ABHD17C: variants seen among roughly 807,000 people sequenced by gnomAD.
ABHD17C encodes abhydrolase domain containing 17C, depalmitoylase.
ABHD17C carries 11 observed loss-of-function variants against 27.9 expected under a neutral mutation model. The ratio of observed to expected loss-of-function variants is 0.39; its 90% confidence interval spans 0.25 to 0.65. The LOEUF (loss-of-function observed/expected upper bound fraction) is 0.65, where lower values mean the gene tolerates loss of function less well. Among genes scored for constraint, ABHD17C ranks in the 30% least tolerant of loss-of-function variants. The pLI is 0.45. For missense variants in ABHD17C, 280 were observed against 470.2 expected (o/e 0.60, Z 3.74); for synonymous variants, 233 against 209.1 (o/e 1.11, Z -0.98).
intron 1 of ABHD17C, among the ~76,000 whole-genome samples, chr15:80,713,764 G>A (rs112399634): frequency 5.3e-5 from 8 of 151,946 alleles, no homozygotes; most frequent in African/African-American, 1.7e-4. Context: ...AGCAGAGATC[G>A]TGCCATTGCA....
intron 1 of ABHD17C, among the ~76,000 whole-genome samples, chr15:80,748,334 G>A (rs1378349749): frequency 6.6e-6 from 1 of 152,204 alleles, no homozygotes; most frequent in East Asian, 1.9e-4. Context: ...TGGCTCACGG[G>A]CTTCAACTTT....
rs368213425 is a variant in ABHD17C at position 80,699,194 on chromosome 15, A to G, written c.590+3175A>G. On this transcript the variant is annotated intron_variant, in intron 1 of 2. Coordinates refer to ENST00000258884, the MANE Select transcript of ABHD17C (RefSeq NM_021214.2). ...TGTTATTTAACTGTATCTCCACTAA[A>G]TTGGAAGATCTCTGAGGGCAGGGAC... Among the ~76,000 whole-genome samples, 15 of 152,286 alleles carry G rather than the reference A, an allele frequency of 9.8e-5. No individual in the cohort carries two copies. The South Asian group carries it at 3.1e-3, about 32-fold the overall frequency.
chr15:80,742,315 G>A (rs1334998944), intron 1 of ABHD17C, among the ~76,000 whole-genome samples: 1 of 152,152 alleles, frequency 6.6e-6, no homozygotes, highest in African/African-American at 2.4e-5. Flanking sequence ...CCACTTGGAG[G>A]CCAAAGGCCT....
intron 1 of ABHD17C, among the ~76,000 whole-genome samples, chr15:80,730,700 T>C (rs1391645606): frequency 6.6e-6 from 1 of 152,202 alleles, no homozygotes; most frequent in Non-Finnish European, 1.5e-5. Context: ...GTGAAGTGCT[T>C]ACTTCAGAGT....
chr15:80,747,987 G>T (rs1477404857), intron 1 of ABHD17C, among the ~76,000 whole-genome samples: 1 of 152,058 alleles, frequency 6.6e-6, no homozygotes, highest in Non-Finnish European at 1.5e-5. Context: ...CACATCCCCT[G>T]CCGGCCGGCC....
At chr15:80,703,819 G>A (rs1894607021) in intron 1 of ABHD17C, among the ~76,000 whole-genome samples, 4 of 152,142 alleles carry the variant, frequency 2.6e-5, no homozygotes, top group Admixed American at 2.6e-4. Context: ...TTACCTGGTG[G>A]GGGATACATT....
intron 1 of ABHD17C, 36 bp downstream of exon 1, chr15:80,696,055 C>A: frequency 6.6e-7 from 1 of 1,513,910 alleles, no homozygotes. Context: ...TGACTTCCAG[C>A]TGTGGGGAGG....
At chr15:80,748,869 C>G (rs1048888758) in intron 1 of ABHD17C, among the ~76,000 whole-genome samples, 1 of 151,636 alleles carries the variant, frequency 6.6e-6, no homozygotes, top group African/African-American at 2.4e-5. Flanking sequence ...TCTGCACGCA[C>G]CAGGCTGCAA....
At chr15:80,705,573 A>G (rs1214355458) in intron 1 of ABHD17C, among the ~76,000 whole-genome samples, 2 of 152,146 alleles carry the variant, frequency 1.3e-5, no homozygotes, top group African/African-American at 4.8e-5. Context: ...ATTATTGATA[A>G]CATTTTTAGA....
chr15:80,695,971 A>C lies in ABHD17C; in HGVS notation c.542A>C (p.Lys181Thr). ...GTCAGCTCGGGCAAGCCCTCCGAGA[A>C]GAACCTCTACGCCGACATCGACGCC... ...YGVSSGKPSE[K>T]NLYADIDAAW... Residue 181 changes from lysine (K) to threonine (T), a missense_variant, in exon 1 of 3, where the codon AAG becomes ACG. Lys to Thr is a moderately conservative substitution (Grantham distance 78). Transcript: ENST00000258884. The surrounding 1 kb of genome is among the most constrained non-coding windows in gnomAD (Gnocchi z 4.3). 6.3e-7 allele frequency: 1 copy of C among 1,592,106 alleles called. No homozygotes were observed. The highest frequency in any genetic ancestry group is 1.1e-5 in the South Asian group (1 of 90,064).
intron 1 of ABHD17C, among the ~76,000 whole-genome samples, chr15:80,727,170 C>T (rs778534254): frequency 6.6e-6 from 1 of 152,192 alleles, no homozygotes; most frequent in Non-Finnish European, 1.5e-5. Context: ...ATGTCTTTTC[C>T]GTGCCCTTGA....
intron 1 of ABHD17C, among the ~76,000 whole-genome samples, chr15:80,706,494 T>C (rs1894651084): frequency 6.6e-6 from 1 of 152,238 alleles, no homozygotes; most frequent in Non-Finnish European, 1.5e-5. Context: ...ATTAGTTTGC[T>C]CCTTCACTTT....
chr15:80,750,891 TC>T (rs1236658150), intron 2 of ABHD17C, among the ~76,000 whole-genome samples: 2 of 152,154 alleles, frequency 1.3e-5, no homozygotes, highest in East Asian at 3.9e-4. Context: ...TTTTTTTTTT[TC>T]CTGGCTCTTA....
In ABHD17C at chr15:80,696,601, G is replaced by C. The variant is rs555133813; in HGVS notation, c.590+582G>C. Among the ~76,000 whole-genome samples the C allele has an allele frequency of 1.8e-3, 281 of 152,240 alleles. 2 individuals are homozygous for C. Among genetic ancestry groups the C allele is most frequent in the African/African-American group, 6.3e-3 (262 of 41,528 alleles). ...GTGGGGCAAAGTAGTGGCACTGTGG[G>C]GCAGGAAGTTAGCTGGTAGCTGTGG... is the stretch of plus-strand genomic sequence containing the variant. On this transcript the variant is annotated intron_variant, in intron 1 of 2. Transcript: ENST00000258884.
intron 1 of ABHD17C, among the ~76,000 whole-genome samples, chr15:80,724,673 T>C (rs1432138973): frequency 1.3e-5 from 2 of 152,170 alleles, no homozygotes; most frequent in African/African-American, 4.8e-5. Context: ...CTGTACTGGG[T>C]AGAGTTGCCC....
At chr15:80,700,273 G>A (rs564844713) in intron 1 of ABHD17C, among the ~76,000 whole-genome samples, 8 of 152,306 alleles carry the variant, frequency 5.3e-5, no homozygotes, top group South Asian at 2.1e-4. Flanking sequence ...CAAATAGCCC[G>A]AAGAATGAGG....
In ABHD17C at chr15:80,695,445, C is replaced by T; in HGVS notation, c.16C>T (p.Pro6Ser). 2 of 1,362,718 alleles carry T rather than the reference C, an allele frequency of 1.5e-6. No homozygotes were observed. Among genetic ancestry groups the T allele is most frequent in the Non-Finnish European group, 9.6e-7 (1 of 1,044,308 alleles). 84.4% of individuals were successfully genotyped at this position (1,362,718 alleles called of 1,614,324 possible). Residue 6 changes from proline (P) to serine (S), a missense_variant, in exon 1 of 3, where the codon CCC becomes TCC. By Grantham distance (74) the Pro-to-Ser change is moderately conservative. Coordinates refer to ENST00000258884, the MANE Select transcript of ABHD17C (RefSeq NM_021214.2). The surrounding 1 kb of genome is among the most constrained non-coding windows in gnomAD (Gnocchi z 4.3). ...GGCCGTCCCGATGCCCGAGCCAGGC[C>T]CCAGGATGAACGGCTTCTCGCTGGG... MPEPG[P>S]RMNGFSLGEL...
At chr15:80,696,525 C>T (rs759266671) in intron 1 of ABHD17C, among the ~76,000 whole-genome samples, 1 of 152,186 alleles carries the variant, frequency 6.6e-6, no homozygotes, top group Non-Finnish European at 1.5e-5. Context: ...AATGTCTGGG[C>T]AACCTTGGAA....
chr15:80,704,615 AG>A (rs1894617651), intron 1 of ABHD17C: 1 of 150,894 alleles, frequency 6.6e-6, no homozygotes, highest in Non-Finnish European at 1.5e-5. Flanking sequence ...AGCCTGCAGG[AG>A]GGCGCAGTCC....
Sources: gnomAD v4.1 joint callset for allele counts (sites outside exome capture counted in the v4.1 genomes callset) on GRCh38, gnomAD v4.1.1 for gene constraint, Gnocchi (gnomAD v3.1) non-coding constraint, MANE v1.5 for transcripts, NCBI Gene and HGNC (gene_info 2026-07-23, HGNC 2026-07-21) for gene names.